The following ORC4 variants were observed in gnomAD, a reference collection of about 807,000 sequenced individuals.
ORC4 encodes the protein origin recognition complex subunit 4, also known as origin recognition complex, subunit 4 homolog.
Under a neutral mutation model 63.9 loss-of-function variants are expected in ORC4, and 55 were observed. That is an observed-to-expected ratio of 0.86 (90% confidence interval 0.69 to 1.08). The LOEUF is 1.08. Ranked by LOEUF, ORC4 falls within the 50% of genes least tolerant of loss-of-function variation. The probability of loss-of-function intolerance (pLI) is 0.00; values close to 1 mark genes in which losing one functional copy is unlikely to be tolerated. For synonymous variants in ORC4, 150 were observed against 168.5 expected (o/e 0.89, Z 0.85); for missense variants, 511 against 504.4 (o/e 1.01, Z -0.13).
intron 4 of ORC4, among the ~76,000 whole-genome samples, chr2:147,967,393 T>C (rs775331923): frequency 8.6e-5 from 13 of 151,822 alleles, no homozygotes; most frequent in Non-Finnish European, 1.6e-4. Flanking sequence ...ATCTTATATA[T>C]AGAAAAACCT....
intron 1 of ORC4, among the ~76,000 whole-genome samples, chr2:148,015,834 G>A (rs1368967747): frequency 6.6e-6 from 1 of 152,128 alleles, no homozygotes; most frequent in African/African-American, 2.4e-5. Flanking sequence ...AATGCATTTG[G>A]CCCAGGAACT....
At chr2:148,013,195 AT>A (rs1470719981) in intron 1 of ORC4, among the ~76,000 whole-genome samples, 4 of 152,196 alleles carry the variant, frequency 2.6e-5, no homozygotes, top group African/African-American at 9.6e-5. Flanking sequence ...CTGTCAATCA[AT>A]GGATGGATAA....
rs143747231 is a variant in ORC4 at position 147,937,619 on chromosome 2, T to C, written c.1122+527A>G. Among the ~76,000 whole-genome samples, 48 of 152,348 alleles carry C rather than the reference T, an allele frequency of 3.2e-4. No homozygotes were observed. The East Asian group carries it at 8.9e-3, about 28-fold the overall frequency. ...AATATATAATTAAAATTAAACCTTT[T>C]TATTTTTCTTACAGGTACTAGAAAA... On this transcript the variant is annotated intron_variant, in intron 13 of 13. Coordinates refer to ENST00000392857, the MANE Select transcript of ORC4 (RefSeq NM_181741.4).
rs143494372 is a variant in ORC4 at position 147,947,339 on chromosome 2, A to G, written c.762+712T>C. 2.6e-5 allele frequency among the ~76,000 whole-genome samples: 4 copies of G among 152,156 alleles called. No homozygotes were observed. In the East Asian group the frequency reaches 5.8e-4, roughly 22 times the overall value. ...ACTTATTCATTAATGATGTTTTTCA[A>G]TTATATTATTAAATACACACACATA... On this transcript the variant is annotated intron_variant, in intron 9 of 13. Coordinates refer to ENST00000392857, the MANE Select transcript of ORC4 (RefSeq NM_181741.4).
chr2:147,942,884 G>T (rs1688443304), intron 10 of ORC4, among the ~76,000 whole-genome samples: 1 of 151,904 alleles, frequency 6.6e-6, no homozygotes, highest in African/African-American at 2.4e-5. Flanking sequence ...AGTGAGTTCA[G>T]CATAGACTAT....
intron 1 of ORC4, among the ~76,000 whole-genome samples, chr2:148,016,803 G>A (rs991801051): frequency 1.3e-4 from 20 of 152,088 alleles, no homozygotes; most frequent in African/African-American, 4.6e-4. Context: ...TTTAAAATTC[G>A]CTGTCCCAAA....
chr2:147,945,611 TAG>T (rs577221180), intron 9 of ORC4, among the ~76,000 whole-genome samples: 1 of 152,236 alleles, frequency 6.6e-6, no homozygotes, highest in Admixed American at 6.6e-5. Flanking sequence ...CATGCTAAGA[TAG>T]AGTCTACTTT....
At chr2:147,986,782 C>CACACAT (rs1443702672) in intron 1 of ORC4, among the ~76,000 whole-genome samples, 2 of 99,722 alleles carry the variant, frequency 2.0e-5, no homozygotes, top group Admixed American at 1.0e-4. Flanking sequence ...TACAGACACA[C>CACACAT]ACACACATAC....
intron 1 of ORC4, among the ~76,000 whole-genome samples, chr2:147,987,094 G>A (rs1453703224): frequency 6.6e-6 from 1 of 150,648 alleles, no homozygotes; most frequent in Non-Finnish European, 1.5e-5. Flanking sequence ...TGAATTCCTG[G>A]GCTCAAGAGA....
intron 1 of ORC4, among the ~76,000 whole-genome samples, chr2:147,995,008 A>T (rs1489542949): frequency 1.3e-5 from 2 of 152,208 alleles, no homozygotes; most frequent in African/African-American, 4.8e-5. Context: ...TGCACCAATC[A>T]GCACTCAATA....
At chr2:147,943,043 T>A (rs1160824500) in intron 10 of ORC4, among the ~76,000 whole-genome samples, 1 of 152,150 alleles carries the variant, frequency 6.6e-6, no homozygotes, top group Non-Finnish European at 1.5e-5. Context: ...TAAATATTGG[T>A]ATACACATTA....
At chr2:147,995,091 A>G (rs1453338024) in intron 1 of ORC4, among the ~76,000 whole-genome samples, 1 of 151,958 alleles carries the variant, frequency 6.6e-6, no homozygotes, top group African/African-American at 2.4e-5. Flanking sequence ...ATAAAAACGC[A>G]CCAATCAGCG....
intron 1 of ORC4, among the ~76,000 whole-genome samples, chr2:147,989,498 G>A (rs1691442655): frequency 6.6e-6 from 1 of 152,136 alleles, no homozygotes; most frequent in Non-Finnish European, 1.5e-5. Flanking sequence ...TTGAGGTCAG[G>A]AGTTTGAGAC....
chr2:147,980,101 C>T (rs1259135762), intron 1 of ORC4, among the ~76,000 whole-genome samples: 1 of 152,018 alleles, frequency 6.6e-6, no homozygotes, highest in Non-Finnish European at 1.5e-5. Flanking sequence ...AGTGAAGAGA[C>T]AACCTTCAGA....
Position 147,938,332 on chromosome 2 carries a change from CTCA to C in ORC4, c.1017_1019del (p.Tyr339_Glu340delinsTer), listed in dbSNP as rs774183728. ...CCATTTGAAAATTAAATGGCTCTTC[CTCA>C]TAGATGTCATTTAAATGTTTCATTG... On this transcript the variant is annotated stop_gained and inframe_deletion, in exon 12 of 14. Coordinates refer to ENST00000392857, the MANE Select transcript of ORC4 (RefSeq NM_181741.4). LOFTEE classifies it high-confidence loss of function. The C allele has an allele frequency of 2.5e-6, 4 of 1,608,734 alleles. No individual in the cohort carries two copies. The East Asian group carries it at 8.9e-5, about 36-fold the overall frequency.
chr2:147,970,282 A>C (rs529321599), intron 4 of ORC4, among the ~76,000 whole-genome samples: 1 of 152,336 alleles, frequency 6.6e-6, no homozygotes, highest in African/African-American at 2.4e-5. Flanking sequence ...TATAAATTTA[A>C]CTCAAAATCT....
In ORC4 at chr2:147,985,459, G is replaced by A. The variant is rs546726116; in HGVS notation, c.-17-9484C>T. ...GATCCGCCTGCCTCGGCCTCCCAAGGTGCTGGGATTACAGGCGTGAGCCAC... is the reference window on the plus strand; with the variant it reads ...GATCCGCCTGCCTCGGCCTCCCAAGATGCTGGGATTACAGGCGTGAGCCAC... On this transcript the variant is annotated intron_variant, in intron 1 of 13. Coordinates refer to ENST00000392857, the MANE Select transcript of ORC4 (RefSeq NM_181741.4). 1.4e-4 allele frequency among the ~76,000 whole-genome samples: 21 copies of A among 152,298 alleles called. No homozygotes were observed. The East Asian group carries it at 4.1e-3, about 29-fold the overall frequency.
chr2:147,967,703 T>C (rs866707837), intron 4 of ORC4, among the ~76,000 whole-genome samples: 2 of 152,006 alleles, frequency 1.3e-5, no homozygotes, highest in African/African-American at 2.4e-5. Flanking sequence ...AGAATGAATA[T>C]TGTTAAAATT....
At chr2:147,988,755 T>A (rs766307199) in intron 1 of ORC4, among the ~76,000 whole-genome samples, 2 of 149,490 alleles carry the variant, frequency 1.3e-5, no homozygotes, top group Non-Finnish European at 3.0e-5. Flanking sequence ...TGGCTGCCTG[T>A]CAACAGCATG....
Sources: allele counts gnomAD v4.1 joint callset (sites outside exome capture counted in the v4.1 genomes callset), GRCh38; gene constraint gnomAD v4.1.1; transcripts MANE v1.5; gene names NCBI Gene and HGNC (gene_info 2026-07-23, HGNC 2026-07-21).